CTNND2: variants seen among roughly 807,000 people sequenced by gnomAD.
CTNND2 encodes the protein catenin delta-2.
In CTNND2, 22 loss-of-function variants were observed where a neutral mutation model predicts 144.4. That is an observed-to-expected ratio of 0.15 (90% confidence interval 0.11 to 0.22). CTNND2 has a LOEUF of 0.22. CTNND2 is among the 10% of genes least tolerant of loss of function. CTNND2 has a pLI of 1.00. For synonymous variants in CTNND2, 751 were observed against 695.6 expected (o/e 1.08, Z -1.25); for missense variants, 1,353 against 1,618.8 (o/e 0.84, Z 2.82).
intron 2 of CTNND2, among the ~76,000 whole-genome samples, chr5:11,717,387 A>C (rs1198021318): frequency 2.6e-5 from 4 of 151,372 alleles, no homozygotes; most frequent in Non-Finnish European, 1.5e-5. Flanking sequence ...CAGCCTGGCC[A>C]ACATGGTGAA....
intron 3 of CTNND2, among the ~76,000 whole-genome samples, chr5:11,560,063 C>A (rs1250942387): frequency 6.6e-6 from 1 of 152,188 alleles, no homozygotes; most frequent in Non-Finnish European, 1.5e-5. Context: ...TCTGCTGTGG[C>A]TTCCTAATTG....
At chr5:11,511,622 A>AT (rs1372793642) in intron 3 of CTNND2, among the ~76,000 whole-genome samples, 2 of 152,048 alleles carry the variant, frequency 1.3e-5, no homozygotes, top group Admixed American at 6.6e-5. Flanking sequence ...AATAATTATT[A>AT]TTTTTTTATT....
At chr5:10,998,391 C>T (rs1317116363) in intron 18 of CTNND2, among the ~76,000 whole-genome samples, 1 of 152,216 alleles carries the variant, frequency 6.6e-6, no homozygotes, top group East Asian at 1.9e-4. Flanking sequence ...TAAATATCTT[C>T]GTTAGAGCTG....
rs150664971 is a variant in CTNND2 at position 11,346,321 on chromosome 5, G to A, written c.1628+51C>T. The A allele has an allele frequency of 1.7e-4, 227 of 1,358,400 alleles. 1 individual carries two copies. In the African/African-American group the frequency reaches 2.5e-3, roughly 15 times the overall value. 84.1% of individuals were successfully genotyped at this position (1,358,400 alleles called of 1,614,324 possible). On this transcript the variant is annotated intron_variant, in intron 9 of 21. Transcript: ENST00000304623. ...GACGTGAAATAAATTACAGTACCAG[G>A]TTACAAAACCTCTTTAGACATCATA...
At chr5:11,792,725 A>G (rs1791200978) in intron 1 of CTNND2, among the ~76,000 whole-genome samples, 1 of 152,236 alleles carries the variant, frequency 6.6e-6, no homozygotes, top group African/African-American at 2.4e-5. Flanking sequence ...ATCAAATTCC[A>G]TGGTTACTTC....
At chr5:11,611,853 C>A (rs952459607) in intron 2 of CTNND2, among the ~76,000 whole-genome samples, 1 of 152,186 alleles carries the variant, frequency 6.6e-6, no homozygotes, top group Non-Finnish European at 1.5e-5. Context: ...ATTTCCTTCT[C>A]TTCTGCATCT....
At chr5:11,185,931 T>C (rs547666562) in intron 11 of CTNND2, among the ~76,000 whole-genome samples, 1 of 152,352 alleles carries the variant, frequency 6.6e-6, no homozygotes, top group East Asian at 1.9e-4. Flanking sequence ...GAAAAGTGTT[T>C]CTAATTAACT....
chr5:11,772,439 T>C (rs531528161), intron 1 of CTNND2, among the ~76,000 whole-genome samples: 19 of 152,266 alleles, frequency 1.2e-4, no homozygotes, highest in South Asian at 1.2e-3. Flanking sequence ...ATAGAAGAGC[T>C]CACAGAGGAC....
intron 9 of CTNND2, among the ~76,000 whole-genome samples, chr5:11,304,323 C>T (rs1475000650): frequency 1.3e-5 from 2 of 150,482 alleles, no homozygotes; most frequent in Non-Finnish European, 3.0e-5. Context: ...ACACACCACA[C>T]ACACACACAC....
intron 5 of CTNND2, 141 bp from the exon 6 acceptor site, chr5:11,397,344 G>T: frequency 1.5e-6 from 1 of 650,828 alleles, no homozygotes; most frequent in Non-Finnish European, 2.4e-6. Flanking sequence ...GAACTAAAAT[G>T]ACCATATAAT....
chr5:10,987,461 G>A (rs554773685), intron 20 of CTNND2, among the ~76,000 whole-genome samples: 4 of 152,302 alleles, frequency 2.6e-5, no homozygotes, highest in Middle Eastern at 6.8e-3. Context: ...GACTGAGATC[G>A]TGAGGGATGA....
intron 9 of CTNND2, among the ~76,000 whole-genome samples, chr5:11,326,156 T>C (rs2150075935): frequency 6.6e-6 from 1 of 152,306 alleles, no homozygotes; most frequent in Admixed American, 6.5e-5. Flanking sequence ...AAGTGCTTGC[T>C]TTTTGGTTTC....
At chr5:11,177,763 T>C (rs1760623257) in intron 11 of CTNND2, among the ~76,000 whole-genome samples, 1 of 152,140 alleles carries the variant, frequency 6.6e-6, no homozygotes, top group Admixed American at 6.5e-5. Context: ...AAAACAACCT[T>C]TGTCATTTTG....
At chr5:11,638,663 T>G (rs193115993) in intron 2 of CTNND2, among the ~76,000 whole-genome samples, 92 of 152,266 alleles carry the variant, frequency 6.0e-4, no homozygotes, top group African/African-American at 2.1e-3. Context: ...ACCCTCTGCC[T>G]CCTAGGTTCA....
At chr5:11,128,761 TATATATATTATATATAAAATATATAA>T (rs1754969747) in intron 12 of CTNND2, among the ~76,000 whole-genome samples, 1 of 37,662 alleles carries the variant, frequency 2.7e-5, no homozygotes, top group East Asian at 2.0e-3. Context: ...TATATATAAA[TATATATATTATATATAAAATATATAA>T]ATATATATTA....
chr5:11,890,381 G>A (rs1385638270), intron 1 of CTNND2, among the ~76,000 whole-genome samples: 2 of 152,160 alleles, frequency 1.3e-5, no homozygotes, highest in Non-Finnish European at 2.9e-5. Flanking sequence ...GACATCCATG[G>A]CAGCTGACCA....
At chr5:10,992,019 G>A (rs1246439775) in intron 19 of CTNND2, among the ~76,000 whole-genome samples, 2 of 152,248 alleles carry the variant, frequency 1.3e-5, no homozygotes, top group East Asian at 3.8e-4. Context: ...CCGGGTTCAA[G>A]TGATTCTCCT....
intron 8 of CTNND2, among the ~76,000 whole-genome samples, chr5:11,361,758 T>C (rs1756477762): frequency 6.6e-6 from 1 of 152,222 alleles, no homozygotes; most frequent in Admixed American, 6.5e-5. Context: ...CATCCTACCT[T>C]TGTTTATCTG....
chr5:11,659,582 A>G (rs73743012), intron 2 of CTNND2, among the ~76,000 whole-genome samples: 1,801 of 152,218 alleles, frequency 0.012, 28 homozygotes, highest in African/African-American at 0.042. Context: ...ACAAGGAAAC[A>G]TGGAACAAGG....
Sources: gnomAD v4.1 joint callset for allele counts (sites outside exome capture counted in the v4.1 genomes callset) on GRCh38, gnomAD v4.1.1 for gene constraint, MANE v1.5 for transcripts, NCBI Gene and HGNC (gene_info 2026-07-23, HGNC 2026-07-21) for gene names.